NFIA: variants seen among roughly 807,000 people sequenced by gnomAD.
NFIA encodes nuclear factor 1 A-type.
Under a neutral mutation model 62.8 loss-of-function variants are expected in NFIA, and 8 were observed. The ratio of observed to expected loss-of-function variants is 0.13; its 90% CI spans 0.07 to 0.23. The LOEUF is 0.23. Ranked by LOEUF, NFIA falls within the 10% of genes least tolerant of loss-of-function variation. NFIA has a pLI of 1.00. For synonymous variants in NFIA, 235 were observed against 238.1 expected, an observed-to-expected ratio of 0.99 and a Z score of 0.12; for missense variants, 410 against 642.1, an observed-to-expected ratio of 0.64 and a Z score of 3.91.
chr1:61,095,567 A>AC lies in NFIA; in HGVS notation c.559+6891dup, dbSNP rs1173276549. Among the ~76,000 whole-genome samples, 3 of 152,160 alleles carry AC rather than the reference A, an allele frequency of 2.0e-5. 1 individual carries two copies. Among genetic ancestry groups the AC allele is most frequent in the South Asian group, 4.2e-4 (2 of 4,816 alleles). ...GGGAAAGTAAAAAGTCAAAATCCAAACCCCTCCCATTGAGATATTTCACTG... is the reference window on the plus strand; with the variant it reads ...GGGAAAGTAAAAAGTCAAAATCCAAACCCCCTCCCATTGAGATATTTCACTG... On this transcript the variant is annotated intron_variant, in intron 2 of 10. Coordinates refer to ENST00000403491, the MANE Select transcript of NFIA (RefSeq NM_001134673.4).
intron 6 of NFIA, among the ~76,000 whole-genome samples, chr1:61,364,092 C>T (rs1298838158): frequency 1.3e-5 from 2 of 151,852 alleles, no homozygotes; most frequent in Admixed American, 6.6e-5. Context: ...ACTACAGGTG[C>T]ATGCCACCAT....
At chr1:61,083,207 T>C (rs1191505816) in intron 1 of NFIA, among the ~76,000 whole-genome samples, 1 of 151,936 alleles carries the variant, frequency 6.6e-6, no homozygotes, top group Non-Finnish European at 1.5e-5. Flanking sequence ...GGCTCAGCGT[T>C]TCTGCTGCCG....
At chr1:61,308,298 A>C (rs1319116419) in intron 3 of NFIA, among the ~76,000 whole-genome samples, 1 of 152,230 alleles carries the variant, frequency 6.6e-6, no homozygotes, top group Non-Finnish European at 1.5e-5. Context: ...AGTTGCTCAT[A>C]TGCTTTGCCA....
chr1:61,270,885 A>C (rs1273521211), intron 2 of NFIA, among the ~76,000 whole-genome samples: 2 of 152,210 alleles, frequency 1.3e-5, no homozygotes, highest in African/African-American at 4.8e-5. Context: ...GGGGAAAACA[A>C]AATTCAAAAT....
intron 2 of NFIA, among the ~76,000 whole-genome samples, chr1:61,229,061 C>G (rs931065853): frequency 3.3e-5 from 5 of 151,192 alleles, no homozygotes; most frequent in Non-Finnish European, 7.4e-5. Flanking sequence ...TATTGTCTTT[C>G]ATATAGGGGA....
chr1:61,130,273 C>A (rs1035875532), intron 2 of NFIA, among the ~76,000 whole-genome samples: 6 of 152,042 alleles, frequency 3.9e-5, no homozygotes, highest in African/African-American at 1.5e-4. Context: ...TTAGTGAAAT[C>A]AGGGAGACTA....
Position 61,459,862 on chromosome 1 carries a change from T to A in NFIA, c.*4542T>A, listed in dbSNP as rs1668462327. On this transcript the variant is annotated 3_prime_UTR_variant, in exon 11 of 11. Transcript: ENST00000403491. The stretch of plus-strand genomic sequence containing the variant: ...AAGGGATTCTAAGAATGTCATTTAA[T>A]GTACTTTGCATCATGTCTCTAGAAA... 6.6e-6 allele frequency: 1 copy of A among 152,234 alleles called. No homozygotes were observed. Among genetic ancestry groups the A allele is most frequent in the Non-Finnish European group, 1.5e-5 (1 of 68,040 alleles). The allele number at this position is 152,234 out of a possible 1,614,324, so 9.4% of individuals were successfully genotyped here.
At chr1:61,140,889 T>G (rs1647455549) in intron 2 of NFIA, among the ~76,000 whole-genome samples, 1 of 151,416 alleles carries the variant, frequency 6.6e-6, no homozygotes, top group Non-Finnish European at 1.5e-5. Flanking sequence ...ACCACAAGAT[T>G]AACAGGGGCC....
intron 2 of NFIA, among the ~76,000 whole-genome samples, chr1:61,273,139 C>T (rs1657615147): frequency 6.6e-6 from 1 of 152,154 alleles, no homozygotes; most frequent in Non-Finnish European, 1.5e-5. Context: ...TCTGCTTTTC[C>T]TTTATCAAGA....
At chr1:61,320,278 G>A (rs1234881071) in intron 3 of NFIA, among the ~76,000 whole-genome samples, 1 of 152,038 alleles carries the variant, frequency 6.6e-6, no homozygotes, top group Non-Finnish European at 1.5e-5. Context: ...TTTGTGCTAG[G>A]CCAGCAAACT....
At chr1:61,112,894 A>G (rs1293963930) in intron 2 of NFIA, among the ~76,000 whole-genome samples, 1 of 152,150 alleles carries the variant, frequency 6.6e-6, no homozygotes, top group Admixed American at 6.6e-5. Flanking sequence ...TGTCATCTGC[A>G]GAATTTAGGA....
intron 2 of NFIA, among the ~76,000 whole-genome samples, chr1:61,221,385 G>A (rs1654008560): frequency 3.3e-5 from 5 of 152,040 alleles, no homozygotes; most frequent in Non-Finnish European, 7.4e-5. Context: ...TTCACACTGT[G>A]TATTAGTAGA....
chr1:61,410,371 G>A (rs917951018), intron 9 of NFIA, among the ~76,000 whole-genome samples: 1 of 152,068 alleles, frequency 6.6e-6, no homozygotes, highest in African/African-American at 2.4e-5. Context: ...CAGAAATCAG[G>A]TGCTTTCTTA....
At chr1:61,282,158 T>G (rs1658175486) in intron 3 of NFIA, among the ~76,000 whole-genome samples, 1 of 152,056 alleles carries the variant, frequency 6.6e-6, no homozygotes, top group South Asian at 2.1e-4. Flanking sequence ...AAGTTGTCCC[T>G]CTCCCCTTCC....
intron 2 of NFIA, among the ~76,000 whole-genome samples, chr1:61,190,088 CAGGT>C (rs1175141671): frequency 2.6e-5 from 4 of 152,224 alleles, no homozygotes. Context: ...ATGTGGCACA[CAGGT>C]AGCGTTGGAA....
chr1:61,137,473 A>G (rs181352988), intron 2 of NFIA, among the ~76,000 whole-genome samples: 55 of 152,368 alleles, frequency 3.6e-4, no homozygotes, highest in African/African-American at 1.2e-3. Flanking sequence ...CAAATTTGTC[A>G]TATAAATTAC....
chr1:61,377,165 G>A (rs940849350), intron 6 of NFIA, among the ~76,000 whole-genome samples: 1 of 151,864 alleles, frequency 6.6e-6, no homozygotes, highest in Non-Finnish European at 1.5e-5. Context: ...AGAGGTTGCA[G>A]TGAGCCAAGA....
chr1:61,196,940 T>TGTGTGC lies in NFIA; in HGVS notation c.560-80579_560-80578insTGTGCG, dbSNP rs1491445557. Among the ~76,000 whole-genome samples, 8 of 112,260 alleles carry TGTGTGC rather than the reference T, an allele frequency of 7.1e-5. No homozygotes were observed. In the South Asian group the frequency reaches 8.8e-4, roughly 12 times the overall value. 73.6% of individuals were successfully genotyped at this position (112,260 alleles called of 152,430 possible). On this transcript the variant is annotated intron_variant, in intron 2 of 10. Coordinates refer to ENST00000403491, the MANE Select transcript of NFIA (RefSeq NM_001134673.4). The stretch of plus-strand genomic sequence containing the variant: ...GTGTGTGTGTGTGTGTGTGTGTGTG[T>TGTGTGC]GCGCGCGCGCGCTGTGTGTGTGTGA...
At chr1:61,282,425 A>G (rs933607368) in intron 3 of NFIA, among the ~76,000 whole-genome samples, 1 of 152,198 alleles carries the variant, frequency 6.6e-6, no homozygotes, top group African/African-American at 2.4e-5. Flanking sequence ...CCCATGACAT[A>G]CTTTGGTTAC....
Sources: gnomAD v4.1 joint callset for allele counts (sites outside exome capture counted in the v4.1 genomes callset) on GRCh38, gnomAD v4.1.1 for gene constraint, MANE v1.5 for transcripts, NCBI Gene and HGNC (gene_info 2026-07-23, HGNC 2026-07-21) for gene names.